RPS6KC1: variants seen among roughly 807,000 people sequenced by gnomAD.
The protein encoded by RPS6KC1 is ribosomal protein S6 kinase C1.
A neutral mutation model predicts 103.8 loss-of-function variants in RPS6KC1; 54 were observed. That is an observed-to-expected ratio of 0.52 (90% confidence interval 0.42 to 0.65). RPS6KC1 has a LOEUF of 0.65. RPS6KC1 is among the 30% of genes least tolerant of loss of function. RPS6KC1 has a pLI of 0.00. For missense variants in RPS6KC1, 1,151 were observed against 1,253.8 expected (o/e 0.92, Z 1.24); for synonymous variants, 439 against 438.7 (o/e 1.00, Z -0.01).
chr1:213,212,686 T>G (rs1176060757), intron 8 of RPS6KC1, among the ~76,000 whole-genome samples: 1 of 152,232 alleles, frequency 6.6e-6, no homozygotes, highest in Non-Finnish European at 1.5e-5. Context: ...GATGTGTTAT[T>G]TTGCATTTCC....
rs77088949 is a variant in RPS6KC1, at chr1:213,108,114, T to C, written c.378+3545T>C. Among the ~76,000 whole-genome samples, 980 of 152,264 alleles carry C rather than the reference T, an allele frequency of 6.4e-3. 31 individuals are homozygous for C. Among genetic ancestry groups the C allele is most frequent in the East Asian group, 0.053 (273 of 5,184 alleles). Reference sequence around the variant, plus strand: ...AGCTCAAAAGCTTTTAGCTTTGATATGATGTATAATTTATATATATTTTTT... The same window carrying C: ...AGCTCAAAAGCTTTTAGCTTTGATACGATGTATAATTTATATATATTTTTT... On this transcript the variant is annotated intron_variant, in intron 4 of 14. Coordinates refer to ENST00000366960, the MANE Select transcript of RPS6KC1 (RefSeq NM_012424.6).
At chr1:213,522,586 A>G in the RPS6KC1 span, among the ~76,000 whole-genome samples, 2 of 152,212 alleles carry the variant, frequency 1.3e-5, no homozygotes, top group African/African-American at 4.8e-5. Flanking sequence ...TACATTGAAA[A>G]TCTTTTGTTT....
the RPS6KC1 span, among the ~76,000 whole-genome samples, chr1:213,641,887 T>C: frequency 1.3e-5 from 2 of 148,840 alleles, no homozygotes; most frequent in Non-Finnish European, 3.0e-5. Flanking sequence ...ATGGAACTTC[T>C]GCTCCACTAA....
the RPS6KC1 span, among the ~76,000 whole-genome samples, chr1:213,636,968 C>A: frequency 6.6e-6 from 1 of 152,158 alleles, no homozygotes; most frequent in African/African-American, 2.4e-5. Context: ...TGAACAGGCA[C>A]TTCTCAAAAG....
At chr1:213,489,253 C>T in the RPS6KC1 span, among the ~76,000 whole-genome samples, 1 of 152,118 alleles carries the variant, frequency 6.6e-6, no homozygotes, top group African/African-American at 2.4e-5. Flanking sequence ...GAATTTTGAG[C>T]GTCTTTCTGG....
the RPS6KC1 span, among the ~76,000 whole-genome samples, chr1:213,311,777 A>G: frequency 2.0e-5 from 3 of 152,126 alleles, no homozygotes; most frequent in African/African-American, 7.2e-5. Context: ...ATTATTATCA[A>G]TTAGCACTGG....
chr1:213,448,768 CAAAAAA>C, the RPS6KC1 span, among the ~76,000 whole-genome samples: 1 of 131,862 alleles, frequency 7.6e-6, no homozygotes. Flanking sequence ...CAATCTGTTA[CAAAAAA>C]AAAAAAAAAA....
At chr1:213,210,703 C>T (rs1558544239) in intron 8 of RPS6KC1, among the ~76,000 whole-genome samples, 2 of 152,086 alleles carry the variant, frequency 1.3e-5, no homozygotes, top group Non-Finnish European at 2.9e-5. Flanking sequence ...TAATCAATAC[C>T]AGAAGTTTGG....
At chr1:213,540,043 C>T in the RPS6KC1 span, among the ~76,000 whole-genome samples, 1 of 152,246 alleles carries the variant, frequency 6.6e-6, no homozygotes, top group African/African-American at 2.4e-5. Flanking sequence ...GCTGGAGGGT[C>T]TTGCCTCAGT....
At chr1:213,591,353 C>CTTT in the RPS6KC1 span, among the ~76,000 whole-genome samples, 51 of 152,322 alleles carry the variant, frequency 3.3e-4, no homozygotes, top group South Asian at 2.7e-3. Flanking sequence ...TACTCACACT[C>CTTT]TATCTTTTGT....
the RPS6KC1 span, among the ~76,000 whole-genome samples, chr1:213,602,100 C>CT: frequency 4.4e-5 from 1 of 22,904 alleles, no homozygotes; most frequent in African/African-American, 2.1e-4. Context: ...TTCTTTCTTT[C>CT]TTTCTTTCTT....
At chr1:213,773,291 C>A in the RPS6KC1 span, among the ~76,000 whole-genome samples, 1 of 151,048 alleles carries the variant, frequency 6.6e-6, no homozygotes, top group African/African-American at 2.4e-5. Flanking sequence ...AGCAAGGTGA[C>A]CATGGAGGTT....
chr1:213,618,940 A>G, the RPS6KC1 span, among the ~76,000 whole-genome samples: 2 of 152,250 alleles, frequency 1.3e-5, no homozygotes, highest in African/African-American at 4.8e-5. Context: ...ATCACAGAAT[A>G]ATGTGGGGAG....
the RPS6KC1 span, among the ~76,000 whole-genome samples, chr1:213,752,863 A>G: frequency 1.3e-5 from 2 of 152,134 alleles, no homozygotes; most frequent in Non-Finnish European, 2.9e-5. Context: ...TTCCCCTGCT[A>G]TGTTATAATC....
chr1:213,599,374 G>A, the RPS6KC1 span, among the ~76,000 whole-genome samples: 1 of 151,088 alleles, frequency 6.6e-6, no homozygotes, highest in Non-Finnish European at 1.5e-5. Flanking sequence ...TTCTTTGCTG[G>A]GTCTGTCCTC....
At chr1:213,848,225 A>G in the RPS6KC1 span, among the ~76,000 whole-genome samples, 1 of 152,304 alleles carries the variant, frequency 6.6e-6, no homozygotes. Flanking sequence ...TATTTGTGAA[A>G]TCACCACCAC....
chr1:213,134,611 A>G (rs567508902), intron 6 of RPS6KC1, among the ~76,000 whole-genome samples: 1 of 152,246 alleles, frequency 6.6e-6, no homozygotes, highest in African/African-American at 2.4e-5. Context: ...GCTATCAGGG[A>G]TGTCCAGACG....
chr1:213,279,109 T>A (rs2095118078), downstream of RPS6KC1, among the ~76,000 whole-genome samples: 1 of 152,160 alleles, frequency 6.6e-6, no homozygotes, highest in Admixed American at 6.5e-5. Flanking sequence ...CTAGTGATGT[T>A]TCTTGGAGAG....
intron 8 of RPS6KC1, among the ~76,000 whole-genome samples, chr1:213,197,132 C>T (rs1457401065): frequency 3.9e-5 from 6 of 151,992 alleles, no homozygotes; most frequent in South Asian, 4.1e-4. Flanking sequence ...CCACCGTGCC[C>T]GGCCTCTACA....
Sources: allele counts gnomAD v4.1 joint callset (sites outside exome capture counted in the v4.1 genomes callset), GRCh38; gene constraint gnomAD v4.1.1; transcripts MANE v1.5; gene names NCBI Gene and HGNC (gene_info 2026-07-23, HGNC 2026-07-21).